ZRANB3: variants seen among roughly 807,000 people sequenced by gnomAD.
ZRANB3 encodes DNA annealing helicase and endonuclease ZRANB3.
In ZRANB3, 125 loss-of-function variants were observed where a neutral mutation model predicts 133.8. The ratio of observed to expected loss-of-function variants is 0.93; its 90% CI spans 0.81 to 1.08. The LOEUF is 1.08. Ranked by LOEUF, ZRANB3 falls within the 50% of genes least tolerant of loss-of-function variation. The pLI is 0.00. For synonymous variants in ZRANB3, 387 were observed against 432.7 expected, an observed-to-expected ratio of 0.89 and a Z score of 1.31; for missense variants, 1,229 against 1,275.5, an observed-to-expected ratio of 0.96 and a Z score of 0.56.
In ZRANB3 at chr2:135,373,763, G is replaced by A. The variant is rs1050225206; in HGVS notation, c.180+17039C>T. On this transcript the variant is annotated intron_variant, in intron 3 of 20. Transcript: ENST00000264159. ...AGACTGCCCCACTGCAATCCAGCCTGGGTAAGACTCTTGTCAAAAAAAAGA... is the reference window on the plus strand; with the variant it reads ...AGACTGCCCCACTGCAATCCAGCCTAGGTAAGACTCTTGTCAAAAAAAAGA... Among the ~76,000 whole-genome samples the A allele has an allele frequency of 5.0e-5, 5 of 100,414 alleles. No homozygotes were observed. In the Admixed American group the frequency reaches 5.9e-4, roughly 12 times the overall value. 65.9% of individuals were successfully genotyped at this position (100,414 alleles called of 152,430 possible). A position where few individuals can be genotyped will look rare whatever the true frequency, so the allele number is the denominator to read the frequency against.
chr2:135,508,615 T>G (rs1194133880), intron 1 of ZRANB3, among the ~76,000 whole-genome samples: 1 of 152,214 alleles, frequency 6.6e-6, no homozygotes. Context: ...GGTTCATTGA[T>G]GATTTAAACA....
chr2:135,455,168 A>AT (rs1690446768), intron 2 of ZRANB3, among the ~76,000 whole-genome samples: 1 of 91,768 alleles, frequency 1.1e-5, no homozygotes, highest in South Asian at 4.2e-4. Context: ...ATGCCTTCTT[A>AT]TACTTTTTTT....
chr2:135,264,307 C>A (rs1396053615), intron 12 of ZRANB3, among the ~76,000 whole-genome samples: 1 of 151,252 alleles, frequency 6.6e-6, no homozygotes, highest in African/African-American at 2.4e-5. Flanking sequence ...CCTGTCTCTA[C>A]TAAAAATACA....
chr2:135,261,060 A>C (rs1679939959), intron 12 of ZRANB3, among the ~76,000 whole-genome samples: 3 of 150,814 alleles, frequency 2.0e-5, no homozygotes, highest in Non-Finnish European at 4.4e-5. Context: ...AAACCATCCA[A>C]TTAGAACTGA....
At chr2:135,202,658 T>TG in intron 20 of ZRANB3, 174 bp downstream of exon 20, 1 of 635,594 alleles carries the variant, frequency 1.6e-6, no homozygotes, top group Non-Finnish European at 2.5e-6. Context: ...TTCTCTTGCA[T>TG]CTGTGACACG....
At chr2:135,209,004 T>C in intron 17 of ZRANB3, 26 bp from the exon 18 acceptor site, 1 of 1,592,956 alleles carries the variant, frequency 6.3e-7, no homozygotes, top group South Asian at 1.1e-5. Context: ...GTTAAATAGA[T>C]TCCCTCTATC....
intron 1 of ZRANB3, among the ~76,000 whole-genome samples, chr2:135,525,067 G>C (rs1423361126): frequency 6.6e-6 from 1 of 152,024 alleles, no homozygotes; most frequent in African/African-American, 2.4e-5. Flanking sequence ...TCTAGCCATA[G>C]GAAGAAAACA....
At chr2:135,224,722 T>A (rs1239736232) in intron 14 of ZRANB3, among the ~76,000 whole-genome samples, 2 of 152,196 alleles carry the variant, frequency 1.3e-5, no homozygotes, top group African/African-American at 4.8e-5. Context: ...ACCAATTGTT[T>A]TACATTTTTG....
At chr2:135,414,712 C>T (rs1167034000) in intron 2 of ZRANB3, among the ~76,000 whole-genome samples, 1 of 152,120 alleles carries the variant, frequency 6.6e-6, no homozygotes, top group Non-Finnish European at 1.5e-5. Flanking sequence ...AAGTAAAGCT[C>T]TCCTCAGCAA....
At chr2:135,494,510 G>A (rs1419916793) in intron 2 of ZRANB3, among the ~76,000 whole-genome samples, 3 of 152,134 alleles carry the variant, frequency 2.0e-5, no homozygotes, top group African/African-American at 7.2e-5. Flanking sequence ...CTAAATCCAA[G>A]AGAGGGAAAA....
Position 135,200,507 on chromosome 2 carries a change from C to G in ZRANB3, c.3142-67G>C, listed in dbSNP as rs182432986. 195 of 1,315,874 alleles carry G rather than the reference C, an allele frequency of 1.5e-4. No individual in the cohort carries two copies. In the African/African-American group the frequency reaches 2.5e-3, roughly 17 times the overall value. The allele number at this position is 1,315,874 out of a possible 1,614,324, so 81.5% of individuals were successfully genotyped here. On this transcript the variant is annotated intron_variant, in intron 20 of 20. Transcript: ENST00000264159. ...AGCACCGGCTACAAAAGCTCAAAAA[C>G]TCTTTATATTGTTAGTTTGGAAAAT...
intron 2 of ZRANB3, among the ~76,000 whole-genome samples, chr2:135,444,670 T>C (rs953198021): frequency 3.3e-5 from 5 of 152,134 alleles, no homozygotes; most frequent in African/African-American, 1.2e-4. Context: ...GGGACAAGGA[T>C]TGACTGAGTA....
rs1693536793 is a variant in ZRANB3 at position 135,199,604 on chromosome 2, G to A, written c.*738C>T. On this transcript the variant is annotated 3_prime_UTR_variant, in exon 21 of 21. Coordinates refer to ENST00000264159, the MANE Select transcript of ZRANB3 (RefSeq NM_032143.4). ...CGTGAGCCACCGCGCCCAGCCAACA[G>A]TAAGCCTAGTTTTATTCATTTTTTA... 2 of 152,056 alleles carry A rather than the reference G, an allele frequency of 1.3e-5. No homozygotes were observed. The highest frequency in any genetic ancestry group is 1.3e-4 in the Admixed American group (2 of 15,252). The allele number at this position is 152,056 out of a possible 1,614,324, so 9.4% of individuals were successfully genotyped here. A position where few individuals can be genotyped will look rare whatever the true frequency, so the allele number is the denominator to read the frequency against.
rs562039754 is a variant in ZRANB3 at position 135,339,926 on chromosome 2, G to A, written c.677+5624C>T. ...CTTTATAGATATTTTCTAGAAGGGT[G>A]ACACCTTTTAAATTCTTACACAATC... On this transcript the variant is annotated intron_variant, in intron 6 of 20. Transcript: ENST00000264159. Among the ~76,000 whole-genome samples, 270 of 152,120 alleles carry A rather than the reference G, an allele frequency of 1.8e-3. 3 individuals are homozygous for A. Among genetic ancestry groups the A allele is most frequent in the African/African-American group, 6.4e-3 (265 of 41,520 alleles).
At chr2:135,215,090 TG>T (rs1361986802) in intron 17 of ZRANB3, among the ~76,000 whole-genome samples, 1 of 151,932 alleles carries the variant, frequency 6.6e-6, no homozygotes, top group Non-Finnish European at 1.5e-5. Flanking sequence ...GCTATTTTTT[TG>T]GGGTTTTGTG....
At chr2:135,298,475 AG>A (rs906020845) in intron 8 of ZRANB3, among the ~76,000 whole-genome samples, 81 of 152,230 alleles carry the variant, frequency 5.3e-4, no homozygotes, top group African/African-American at 1.7e-3. Context: ...CTGGGGCTCA[AG>A]GGTTGCTGTT....
At chr2:135,201,381 G>A (rs1693618828) in intron 20 of ZRANB3, among the ~76,000 whole-genome samples, 3 of 151,982 alleles carry the variant, frequency 2.0e-5, no homozygotes, top group South Asian at 4.2e-4. Flanking sequence ...GGTGGAGGGC[G>A]GTGGCTCACA....
At chr2:135,286,169 TCACCTGGG>T (rs1339533074) in intron 8 of ZRANB3, among the ~76,000 whole-genome samples, 3 of 152,196 alleles carry the variant, frequency 2.0e-5, no homozygotes, top group Non-Finnish European at 4.4e-5. Flanking sequence ...GGTGCACCCA[TCACCTGGG>T]CAGTGTACAC....
At chr2:135,258,544 A>C (rs1419349387) in intron 12 of ZRANB3, among the ~76,000 whole-genome samples, 1 of 152,204 alleles carries the variant, frequency 6.6e-6, no homozygotes, top group Non-Finnish European at 1.5e-5. Flanking sequence ...TTCTCACCCT[A>C]CAATGTATCC....
Sources: gnomAD v4.1 joint callset for allele counts (sites outside exome capture counted in the v4.1 genomes callset) on GRCh38, gnomAD v4.1.1 for gene constraint, MANE v1.5 for transcripts, NCBI Gene and HGNC (gene_info 2026-07-23, HGNC 2026-07-21) for gene names.